The following MYO1D variants were observed in gnomAD, a reference collection of about 807,000 sequenced individuals.
MYO1D encodes the protein unconventional myosin-Id.
Under a neutral mutation model 122.0 loss-of-function variants are expected in MYO1D, and 83 were observed. That is an observed-to-expected ratio of 0.68 (90% CI 0.57 to 0.82). The LOEUF (loss-of-function observed/expected upper bound fraction) is 0.82. Ranked by LOEUF, MYO1D falls within the 40% of genes least tolerant of loss-of-function variation. MYO1D has a pLI of 0.00. For missense variants in MYO1D, 1,157 were observed against 1,269.5 expected (o/e 0.91, Z 1.35); for synonymous variants, 464 against 446.9 (o/e 1.04, Z -0.48).
chr17:32,780,592 A>T lies in MYO1D; in HGVS notation c.288T>A (p.Thr96=). 6.2e-7 allele frequency: 1 copy of T among 1,614,060 alleles called. No individual in the cohort carries two copies. The change falls in exon 2 of 22, where the codon ACT becomes ACA. Residue 96 remains threonine (T), a synonymous_variant. Coordinates refer to ENST00000318217, the MANE Select transcript of MYO1D (RefSeq NM_015194.3). ...TCCAATTACCTGATATCACAATACAAGTGTCTTTTGATCGCCTCTTCATAG... is the reference window on the plus strand; with the variant it reads ...TCCAATTACCTGATATCACAATACATGTGTCTTTTGATCGCCTCTTCATAG... ...YKAMKRRSKD[T]CIVISGESGA... is the part of the protein sequence containing the mutation.
chr17:32,599,679 G>A (rs1436795995), intron 21 of MYO1D, among the ~76,000 whole-genome samples: 1 of 152,128 alleles, frequency 6.6e-6, no homozygotes, highest in African/African-American at 2.4e-5. Flanking sequence ...TTGAGACAGA[G>A]TCTCACTCTG....
At chr17:32,868,773 T>C (rs1162765204) in intron 1 of MYO1D, among the ~76,000 whole-genome samples, 2 of 152,208 alleles carry the variant, frequency 1.3e-5, no homozygotes, top group African/African-American at 2.4e-5. Context: ...AAGAGAAGTA[T>C]GCTCAGCTGA....
Position 32,862,395 on chromosome 17 carries a change from T to C in MYO1D, c.95+14383A>G, listed in dbSNP as rs554968839. Among the ~76,000 whole-genome samples the C allele has an allele frequency of 2.6e-5, 4 of 152,372 alleles. No homozygotes were observed. In the South Asian group the frequency reaches 8.3e-4, roughly 32 times the overall value. On this transcript the variant is annotated intron_variant, in intron 1 of 21. Coordinates refer to ENST00000318217, the MANE Select transcript of MYO1D (RefSeq NM_015194.3). ...AATAAAGACAACGTGGCTGCCACCA[T>C]ACTTTCAAAGGCACCTTAATGGCAT...
At chr17:32,876,099 T>C (rs2091225762) in intron 1 of MYO1D, among the ~76,000 whole-genome samples, 1 of 152,192 alleles carries the variant, frequency 6.6e-6, no homozygotes, top group Middle Eastern at 3.4e-3. Flanking sequence ...ATGAACGTCT[T>C]GTCAAATTCA....
chr17:32,665,738 T>A (rs2088627436), intron 16 of MYO1D, among the ~76,000 whole-genome samples: 1 of 152,210 alleles, frequency 6.6e-6, no homozygotes, highest in African/African-American at 2.4e-5. Context: ...TCGTTGGCCC[T>A]CCACTCTCAC....
At chr17:32,602,321 T>C (rs971777344) in intron 21 of MYO1D, among the ~76,000 whole-genome samples, 5 of 152,240 alleles carry the variant, frequency 3.3e-5, no homozygotes, top group African/African-American at 1.2e-4. Context: ...CCGTAATCTT[T>C]GACTGGATGT....
chr17:32,851,766 G>T (rs2090991622), intron 1 of MYO1D, among the ~76,000 whole-genome samples: 1 of 152,172 alleles, frequency 6.6e-6, no homozygotes, highest in Non-Finnish European at 1.5e-5. Flanking sequence ...GTGTGCACAC[G>T]CACAGTTCGC....
rs779361933 is a variant in MYO1D at position 32,764,930 on chromosome 17, T to C, written c.983A>G (p.Asp328Gly). ...GGCCTCTTGTTCTGTGTGCTGCTTGTCAATGATGTCACGGCCTGTGGCCAC... is the reference window on the plus strand; with the variant it reads ...GGCCTCTTGTTCTGTGTGCTGCTTGCCAATGATGTCACGGCCTGTGGCCAC... ...RTVATGRDII[D>G]KQHTEQEASY... Residue 328 changes from aspartate to glycine, a missense_variant, in exon 8 of 22, where the codon GAC (aspartate) becomes GGC (glycine). Physicochemically the swap from Asp to Gly is moderately conservative, Grantham distance 94. Transcript: ENST00000318217. 6.2e-7 allele frequency: 1 copy of C among 1,614,230 alleles called. No homozygotes were observed. The highest frequency in any genetic ancestry group is 1.1e-5 in the South Asian group (1 of 91,088).
At chr17:32,737,945 G>A (rs1404719633) in intron 14 of MYO1D, among the ~76,000 whole-genome samples, 3 of 152,142 alleles carry the variant, frequency 2.0e-5, no homozygotes, top group Non-Finnish European at 4.4e-5. Context: ...TCAGCACAGC[G>A]CTAAAGTTCC....
chr17:32,747,649 C>T (rs2089851615), intron 12 of MYO1D, among the ~76,000 whole-genome samples: 2 of 151,826 alleles, frequency 1.3e-5, no homozygotes. Context: ...CCAGCCTGGC[C>T]AACATGGTGA....
At chr17:32,702,389 T>C (rs1476854306) in intron 16 of MYO1D, among the ~76,000 whole-genome samples, 1 of 152,232 alleles carries the variant, frequency 6.6e-6, no homozygotes, top group African/African-American at 2.4e-5. Flanking sequence ...CTAACTACCC[T>C]ATAATTCCAC....
At chr17:32,852,312 AGACGGGGTTTCACCATGTT>A (rs1430265881) in intron 1 of MYO1D, among the ~76,000 whole-genome samples, 4 of 152,118 alleles carry the variant, frequency 2.6e-5, no homozygotes, top group Non-Finnish European at 1.5e-5. Flanking sequence ...ATTTTGGTAG[AGACGGGGTTTCACCATGTT>A]GACCAGGCTG....
intron 8 of MYO1D, among the ~76,000 whole-genome samples, chr17:32,764,223 C>G (rs796682882): frequency 4.6e-5 from 7 of 152,192 alleles, no homozygotes; most frequent in African/African-American, 1.2e-4. Context: ...AAAAGTCAAA[C>G]TCATAGAAGC....
intron 1 of MYO1D, among the ~76,000 whole-genome samples, chr17:32,815,398 A>G (rs1038228508): frequency 6.6e-6 from 1 of 152,236 alleles, no homozygotes; most frequent in Non-Finnish European, 1.5e-5. Context: ...ATATTGTGGT[A>G]GAAGAAATCA....
At chr17:32,835,982 T>C (rs1017413462) in intron 1 of MYO1D, among the ~76,000 whole-genome samples, 26 of 152,232 alleles carry the variant, frequency 1.7e-4, no homozygotes, top group African/African-American at 6.0e-4. Context: ...GCTTTCATTA[T>C]GAGTATAATG....
intron 11 of MYO1D, among the ~76,000 whole-genome samples, chr17:32,754,157 G>C (rs978931055): frequency 5.3e-5 from 8 of 152,118 alleles, no homozygotes; most frequent in African/African-American, 1.7e-4. Flanking sequence ...CTCCAAACCT[G>C]AACTGTGATT....
At chr17:32,768,086 G>C (rs1000851994) in intron 6 of MYO1D, among the ~76,000 whole-genome samples, 1 of 152,224 alleles carries the variant, frequency 6.6e-6, no homozygotes, top group Non-Finnish European at 1.5e-5. Context: ...GATCACAAAT[G>C]CAAGTGCTGA....
At chr17:32,779,817 G>A (rs1169773732) in intron 2 of MYO1D, among the ~76,000 whole-genome samples, 1 of 152,064 alleles carries the variant, frequency 6.6e-6, no homozygotes, top group African/African-American at 2.4e-5. Context: ...AAAAATAACT[G>A]TTCTACATAC....
intron 1 of MYO1D, among the ~76,000 whole-genome samples, chr17:32,823,275 T>C (rs776989644): frequency 1.1e-4 from 16 of 152,056 alleles, no homozygotes; most frequent in Admixed American, 3.3e-4. Flanking sequence ...AAGCCAAGGA[T>C]AGACTGAGTG....
Sources: gnomAD v4.1 joint callset for allele counts (sites outside exome capture counted in the v4.1 genomes callset) on GRCh38, gnomAD v4.1.1 for gene constraint, MANE v1.5 for transcripts, NCBI Gene and HGNC (gene_info 2026-07-23, HGNC 2026-07-21) for gene names.